ARID4B: variants seen among roughly 807,000 people sequenced by gnomAD.
ARID4B encodes the protein AT-rich interactive domain-containing protein 4B.
Under a neutral mutation model 147.5 loss-of-function variants are expected in ARID4B, and 26 were observed. The ratio of observed to expected loss-of-function variants is 0.18; its 90% CI spans 0.13 to 0.24. ARID4B has a LOEUF of 0.24. ARID4B is among the 10% of genes least tolerant of loss of function. ARID4B has a pLI of 1.00. For missense variants in ARID4B, 1,179 were observed against 1,511.5 expected, an observed-to-expected ratio of 0.78 and a Z score of 3.65; for synonymous variants, 512 against 507.9, an observed-to-expected ratio of 1.01 and a Z score of -0.11.
rs536839787 is a variant in ARID4B at position 235,289,361 on chromosome 1, A to G, written c.7-28609T>C. ...TGACAAACTCTACAAAAAGTTATTT[A>G]TAATTCACATCACTAAAGAGCTTGA... On this transcript the variant is annotated intron_variant, in intron 2 of 23. Coordinates refer to ENST00000264183, the MANE Select transcript of ARID4B (RefSeq NM_016374.6). Among the ~76,000 whole-genome samples the G allele has an allele frequency of 4.6e-5, 7 of 152,344 alleles. No homozygotes were observed. The East Asian group carries it at 1.3e-3, about 29-fold the overall frequency.
intron 5 of ARID4B, among the ~76,000 whole-genome samples, chr1:235,255,265 A>AGATAGATC (rs1239708915): frequency 3.1e-5 from 2 of 64,582 alleles, no homozygotes; most frequent in Non-Finnish European, 3.3e-5. Flanking sequence ...ATAGATAGAT[A>AGATAGATC]TATATCTCTC....
chr1:235,178,257 A>T (rs183268745), intron 20 of ARID4B, among the ~76,000 whole-genome samples: 14 of 152,318 alleles, frequency 9.2e-5, no homozygotes, highest in African/African-American at 3.4e-4. Context: ...GAAATTTGTT[A>T]AGATTCAATA....
At chr1:235,276,275 C>T (rs1671310178) in intron 2 of ARID4B, among the ~76,000 whole-genome samples, 1 of 147,582 alleles carries the variant, frequency 6.8e-6, no homozygotes, top group African/African-American at 2.5e-5. Flanking sequence ...CATTAGCAAA[C>T]TAACGCTAAT....
chr1:235,256,810 G>A (rs1309807615), intron 4 of ARID4B, among the ~76,000 whole-genome samples: 1 of 151,554 alleles, frequency 6.6e-6, no homozygotes, highest in East Asian at 1.9e-4. Context: ...AATAAATGTA[G>A]TCAATGCTTC....
intron 9 of ARID4B, among the ~76,000 whole-genome samples, chr1:235,233,373 C>A (rs1668360847): frequency 6.6e-6 from 1 of 152,032 alleles, no homozygotes; most frequent in Admixed American, 6.5e-5. Flanking sequence ...GTCATGGCTG[C>A]AGTGAGCCAT....
At chr1:235,300,738 T>C (rs955729627) in intron 2 of ARID4B, among the ~76,000 whole-genome samples, 35 of 151,806 alleles carry the variant, frequency 2.3e-4, no homozygotes, top group African/African-American at 8.2e-4. Context: ...TGAGACAGAG[T>C]CTCGCTCTGT....
At chr1:235,209,938 T>C (rs1302014349) in intron 17 of ARID4B, among the ~76,000 whole-genome samples, 1 of 152,088 alleles carries the variant, frequency 6.6e-6, no homozygotes, top group Non-Finnish European at 1.5e-5. Context: ...CGGAAAAACA[T>C]GTTTCATGGC....
chr1:235,279,700 C>G (rs894470306), intron 2 of ARID4B, among the ~76,000 whole-genome samples: 3 of 152,180 alleles, frequency 2.0e-5, no homozygotes, highest in African/African-American at 7.2e-5. Context: ...AGGGAGGGTT[C>G]CTACCACCAA....
chr1:235,301,048 T>TTTC (rs931285415), intron 2 of ARID4B, among the ~76,000 whole-genome samples: 2 of 146,536 alleles, frequency 1.4e-5, no homozygotes, highest in African/African-American at 5.0e-5. Flanking sequence ...CTTTTTTTTT[T>TTTC]TTTTTTTTTT....
chr1:235,316,399 C>T (rs1674434406), intron 2 of ARID4B, among the ~76,000 whole-genome samples: 1 of 151,960 alleles, frequency 6.6e-6, no homozygotes, highest in South Asian at 2.1e-4. Flanking sequence ...ATCCCAACTA[C>T]TCTGGAAGCT....
intron 16 of ARID4B, among the ~76,000 whole-genome samples, chr1:235,219,477 A>G (rs762982048): frequency 9.2e-5 from 14 of 152,230 alleles, no homozygotes; most frequent in Non-Finnish European, 1.6e-4. Flanking sequence ...CATACAATAT[A>G]TAAAACATGG....
intron 8 of ARID4B, among the ~76,000 whole-genome samples, chr1:235,235,988 T>A (rs1447023979): frequency 6.6e-6 from 1 of 151,510 alleles, no homozygotes; most frequent in Non-Finnish European, 1.5e-5. Flanking sequence ...TGCAGTGGCG[T>A]GATCACGACT....
intron 19 of ARID4B, among the ~76,000 whole-genome samples, chr1:235,193,630 A>C (rs934667433): frequency 6.6e-5 from 10 of 152,222 alleles, no homozygotes; most frequent in African/African-American, 2.4e-4. Context: ...AGTAATAAAA[A>C]ATTTGAGGCC....
intron 2 of ARID4B, among the ~76,000 whole-genome samples, chr1:235,308,293 A>G (rs1673724551): frequency 6.6e-6 from 1 of 151,682 alleles, no homozygotes; most frequent in Non-Finnish European, 1.5e-5. Flanking sequence ...TAGTAGAGAC[A>G]GGGTTTCGCT....
chr1:235,308,680 T>C (rs1219076659), intron 2 of ARID4B, among the ~76,000 whole-genome samples: 1 of 152,208 alleles, frequency 6.6e-6, no homozygotes, highest in East Asian at 1.9e-4. Context: ...CTTCGCTGTG[T>C]TGGCCGGGCT....
At chr1:235,208,300 G>A (rs1169196149) in intron 17 of ARID4B, among the ~76,000 whole-genome samples, 1 of 152,000 alleles carries the variant, frequency 6.6e-6, no homozygotes, top group Non-Finnish European at 1.5e-5. Flanking sequence ...TTTACGACAC[G>A]ACTTAGAAAC....
chr1:235,223,398 T>C (rs1667623240), intron 12 of ARID4B, 138 bp from the exon 13 acceptor site: 1 of 191,232 alleles, frequency 5.2e-6, no homozygotes, highest in Non-Finnish European at 1.0e-5. Context: ...TATATATATG[T>C]GTGTGTATAT....
chr1:235,246,279 G>T (rs947270310), intron 7 of ARID4B, 141 bp downstream of exon 7: 3 of 653,218 alleles, frequency 4.6e-6, no homozygotes, highest in Non-Finnish European at 8.0e-6. Flanking sequence ...CCATGCTGAG[G>T]AGTCTGAAAT....
At chr1:235,198,261 A>G (rs1201783474) in intron 17 of ARID4B, among the ~76,000 whole-genome samples, 1 of 152,192 alleles carries the variant, frequency 6.6e-6, no homozygotes, top group South Asian at 2.1e-4. Flanking sequence ...TCAATAAAAA[A>G]CTGACTCAAT....
Sources: allele counts gnomAD v4.1 joint callset (sites outside exome capture counted in the v4.1 genomes callset), GRCh38; gene constraint gnomAD v4.1.1; transcripts MANE v1.5; gene names NCBI Gene and HGNC (gene_info 2026-07-23, HGNC 2026-07-21).